Variants in RBM27 observed in about 807,000 individuals in gnomAD.
RBM27 encodes RNA-binding protein 27.
A neutral mutation model predicts 135.3 loss-of-function variants in RBM27; 22 were observed. The ratio of observed to expected loss-of-function variants is 0.16; its 90% CI spans 0.12 to 0.23. The LOEUF is 0.23. Among genes scored for constraint, RBM27 ranks in the 10% least tolerant of loss-of-function variants. The pLI is 1.00. For missense variants in RBM27, 1,009 were observed against 1,281.0 expected, an observed-to-expected ratio of 0.79 and a Z score of 3.24; for synonymous variants, 481 against 442.4, an observed-to-expected ratio of 1.09 and a Z score of -1.10.
intron 1 of RBM27, among the ~76,000 whole-genome samples, chr5:146,215,174 C>A (rs1370490951): frequency 6.6e-6 from 1 of 152,128 alleles, no homozygotes; most frequent in East Asian, 1.9e-4. Context: ...CTCAGCCACC[C>A]AAGTAGCTGG....
intron 6 of RBM27, among the ~76,000 whole-genome samples, chr5:146,231,566 C>T (rs909294912): frequency 6.6e-6 from 1 of 151,846 alleles, no homozygotes; most frequent in Non-Finnish European, 1.5e-5. Context: ...CCATAGTATA[C>T]TGTAAAATTT....
chr5:146,247,739 C>A (rs10039927), intron 8 of RBM27, among the ~76,000 whole-genome samples: 1 of 152,060 alleles, frequency 6.6e-6, no homozygotes, highest in South Asian at 2.1e-4. Context: ...TTATAGATGG[C>A]GTTATGTACT....
intron 3 of RBM27, among the ~76,000 whole-genome samples, chr5:146,225,676 C>A (rs1364200489): frequency 6.6e-6 from 1 of 151,826 alleles, no homozygotes; most frequent in Non-Finnish European, 1.5e-5. Context: ...AGCGATTCTC[C>A]TGCCTCAGCT....
chr5:146,267,872 A>C, intron 15 of RBM27, 104 bp downstream of exon 15: 1 of 1,129,188 alleles, frequency 8.9e-7, no homozygotes, highest in Non-Finnish European at 1.3e-6. Context: ...AGGGCATAAC[A>C]TCATAATGCT....
chr5:146,245,325 A>C (rs775836492), intron 8 of RBM27: 1 of 152,176 alleles, frequency 6.6e-6, no homozygotes, highest in Non-Finnish European at 1.5e-5. Context: ...TAAGTAAAGT[A>C]CACTCTCTTT....
At chr5:146,282,831 A>G (rs567114341) in intron 19 of RBM27, among the ~76,000 whole-genome samples, 11 of 152,292 alleles carry the variant, frequency 7.2e-5, no homozygotes, top group Non-Finnish European at 1.2e-4. Context: ...GATTCTCACC[A>G]TTTGTGTATG....
At chr5:146,249,487 A>T (rs1280999760) in intron 8 of RBM27, among the ~76,000 whole-genome samples, 1 of 151,160 alleles carries the variant, frequency 6.6e-6, no homozygotes, top group Non-Finnish European at 1.5e-5. Flanking sequence ...GGAGTTTGAG[A>T]CCAGCCTGGG....
chr5:146,260,413 G>C (rs747209785), intron 11 of RBM27, among the ~76,000 whole-genome samples: 1 of 152,158 alleles, frequency 6.6e-6, no homozygotes, highest in Non-Finnish European at 1.5e-5. Flanking sequence ...ACATAGAGAT[G>C]TGGTCTTACT....
chr5:146,223,115 A>G (rs1048991091), intron 2 of RBM27, among the ~76,000 whole-genome samples: 2 of 152,126 alleles, frequency 1.3e-5, no homozygotes, highest in Non-Finnish European at 2.9e-5. Context: ...TGTTGTATAG[A>G]TGTCCCATAG....
intron 8 of RBM27, among the ~76,000 whole-genome samples, chr5:146,237,719 G>A (rs999815295): frequency 3.3e-5 from 5 of 152,030 alleles, no homozygotes; most frequent in African/African-American, 4.8e-5. Context: ...ACAGAGTCTC[G>A]CTCTGTCACC....
chr5:146,269,235 G>A lies in RBM27; in HGVS notation c.2480G>A (p.Arg827Lys), dbSNP rs781459129. 4.8e-5 allele frequency: 77 copies of A among 1,606,340 alleles called. No homozygotes were observed. Among genetic ancestry groups the A allele is most frequent in the Non-Finnish European group, 6.4e-5 (75 of 1,175,714 alleles). ...GCAATGAAGTTACAACAAGATATGAGGAAAAAAAGACAGGAAGTGTTAGAA... is the reference window on the plus strand; with the variant it reads ...GCAATGAAGTTACAACAAGATATGAAGAAAAAAAGACAGGAAGTGTTAGAA... ...QEAMKLQQDM[R>K]KKRQEVLEKQ... The change falls in exon 16 of 21, where the codon AGG becomes AAG. Residue 827 changes from arginine to lysine, a missense_variant. This residue lies in a region of RBM27 where 355 missense variants were observed against 427.3 expected (regional missense o/e 0.83). Transcript: ENST00000265271.
chr5:146,271,130 G>A, intron 18 of RBM27, 72 bp downstream of exon 18: 1 of 1,122,598 alleles, frequency 8.9e-7, no homozygotes, highest in Non-Finnish European at 1.3e-6. Flanking sequence ...ACCGGGCGCG[G>A]TGGCTCACGC....
chr5:146,284,754 A>G, intron 20 of RBM27, 22 bp downstream of exon 20: 1 of 1,410,362 alleles, frequency 7.1e-7, no homozygotes, highest in Non-Finnish European at 1.0e-6. Flanking sequence ...GGTTGGAAAT[A>G]AGAGTTGAAT....
At chr5:146,271,329 G>A (rs1758852474) in intron 18 of RBM27, among the ~76,000 whole-genome samples, 154 bp from the exon 19 acceptor site, 1 of 151,902 alleles carries the variant, frequency 6.6e-6, no homozygotes, top group African/African-American at 2.4e-5. Context: ...GAACCTGGGA[G>A]GCAGAGGTTG....
At chr5:146,277,368 T>G (rs970933985) in intron 19 of RBM27, among the ~76,000 whole-genome samples, 1 of 152,178 alleles carries the variant, frequency 6.6e-6, no homozygotes, top group African/African-American at 2.4e-5. Flanking sequence ...AGATATACAT[T>G]TGTCTTATTT....
At chr5:146,251,053 G>GCGTGAGCCA (rs77457208) in intron 8 of RBM27, among the ~76,000 whole-genome samples, 1 of 151,760 alleles carries the variant, frequency 6.6e-6, no homozygotes, top group African/African-American at 2.4e-5. Flanking sequence ...GGGATTACAG[G>GCGTGAGCCA]CGTGAGCCAC....
chr5:146,228,033 T>C (rs1581161538), intron 3 of RBM27, among the ~76,000 whole-genome samples: 1 of 152,198 alleles, frequency 6.6e-6, no homozygotes, highest in East Asian at 1.9e-4. Context: ...TTAAGAGATT[T>C]GCTGTTTTAA....
Position 146,203,610 on chromosome 5 carries a change from C to T in RBM27, c.-156C>T, listed in dbSNP as rs561740866. 8.6e-5 allele frequency: 57 copies of T among 663,158 alleles called. No individual in the cohort carries two copies. The Admixed American group carries it at 1.2e-3, about 14-fold the overall frequency. The allele number at this position is 663,158 out of a possible 1,614,324, so 41.1% of individuals were successfully genotyped here. ...TGAGTGAGGGCTCTTGGGTTAGTTCCTGTTAGGCCCCGGCCGGGGGAGTAG... is the reference window on the plus strand; with the variant it reads ...TGAGTGAGGGCTCTTGGGTTAGTTCTTGTTAGGCCCCGGCCGGGGGAGTAG... On this transcript the variant is annotated 5_prime_UTR_variant, in exon 1 of 21. Transcript: ENST00000265271.
intron 3 of RBM27, among the ~76,000 whole-genome samples, chr5:146,227,247 C>A (rs1314545974): frequency 2.6e-5 from 4 of 152,174 alleles, no homozygotes; most frequent in African/African-American, 7.2e-5. Context: ...TTCTTTACCT[C>A]ATCTTTTTCC....
Sources: gnomAD v4.1 joint callset for allele counts (sites outside exome capture counted in the v4.1 genomes callset) on GRCh38, gnomAD v4.1.1 for gene constraint, gnomAD v4.1.1 regional missense constraint, MANE v1.5 for transcripts, NCBI Gene and HGNC (gene_info 2026-07-23, HGNC 2026-07-21) for gene names.